MINK1: variants seen among roughly 807,000 people sequenced by gnomAD.
MINK1 encodes the protein misshapen like kinase 1.
Under a neutral mutation model 178.4 loss-of-function variants are expected in MINK1, and 46 were observed. The ratio of observed to expected loss-of-function variants is 0.26; its 90% CI spans 0.20 to 0.33. MINK1 has a LOEUF of 0.33. Among genes scored for constraint, MINK1 ranks in the 10% least tolerant of loss-of-function variants. The pLI is 1.00. For synonymous variants in MINK1, 797 were observed against 709.7 expected (o/e 1.12, Z -1.96); for missense variants, 1,366 against 1,814.9 (o/e 0.75, Z 4.49).
chr17:4,844,812 C>A (rs1910768307), intron 1 of MINK1, among the ~76,000 whole-genome samples: 1 of 152,234 alleles, frequency 6.6e-6, no homozygotes, highest in Non-Finnish European at 1.5e-5. Flanking sequence ...GTCTCATTTC[C>A]CCCCACCCTT....
chr17:4,889,619 T>C, intron 12 of MINK1, 28 bp from the exon 13 acceptor site: 1 of 1,554,350 alleles, frequency 6.4e-7, no homozygotes, highest in Non-Finnish European at 8.7e-7. Flanking sequence ...CCGGTATGGT[T>C]CTTAAGACCA....
intron 1 of MINK1, among the ~76,000 whole-genome samples, chr17:4,848,782 C>T (rs910724465): frequency 2.0e-5 from 3 of 152,196 alleles, no homozygotes; most frequent in Admixed American, 1.3e-4. Flanking sequence ...CAGGCCTAAG[C>T]CACCGCGAAC....
chr17:4,870,213 ATTTTTTTTT>A (rs758815938), intron 1 of MINK1, among the ~76,000 whole-genome samples: 1 of 123,610 alleles, frequency 8.1e-6, no homozygotes, highest in Non-Finnish European at 1.7e-5. Flanking sequence ...CGCCCGGCCA[ATTTTTTTTT>A]TTTTTTTTTT....
In MINK1 at chr17:4,836,658, A is replaced by G. The variant is rs1909350425; in HGVS notation, c.57+3018A>G. ...ATTAAATGCACGTTAAGTACATAGT[A>G]CAGTTCCCAGCACACAGTGATCATA... is the stretch of plus-strand genomic sequence containing the variant. On this transcript the variant is annotated intron_variant, in intron 1 of 31. Transcript: ENST00000355280. The surrounding 1 kb of genome is among the most constrained non-coding windows in gnomAD (Gnocchi z 4.3). 6.6e-6 allele frequency among the ~76,000 whole-genome samples: 1 copy of G among 152,204 alleles called. No homozygotes were observed. Among genetic ancestry groups the G allele is most frequent in the African/African-American group, 2.4e-5 (1 of 41,456 alleles).
At chr17:4,858,330 T>C (rs1913533987) in intron 1 of MINK1, among the ~76,000 whole-genome samples, 1 of 152,148 alleles carries the variant, frequency 6.6e-6, no homozygotes, top group African/African-American at 2.4e-5. Flanking sequence ...TCAGGCTCAC[T>C]GTCCTTTGAA....
chr17:4,847,022 G>A, intron 1 of MINK1: 1 of 370,392 alleles, frequency 2.7e-6, no homozygotes, highest in East Asian at 7.6e-5. Flanking sequence ...TGTTTCACAA[G>A]TTAACAATGA....
At chr17:4,875,253 C>T in intron 1 of MINK1, 1 of 505,522 alleles carries the variant, frequency 2.0e-6, no homozygotes, top group Non-Finnish European at 4.0e-6. Flanking sequence ...CTCTTGTTAG[C>T]CCCCTGCACT....
At position 4,885,376 on chromosome 17, in the gene MINK1, C is replaced by T; in HGVS notation, c.509-107C>T. The T allele has an allele frequency of 6.7e-7, 1 of 1,485,706 alleles. No homozygotes were observed. The highest frequency in any genetic ancestry group is 9.2e-7 in the Non-Finnish European group (1 of 1,087,458). The allele number at this position is 1,485,706 out of a possible 1,614,324, so 92.0% of individuals were successfully genotyped here. A position where few individuals can be genotyped will look rare whatever the true frequency, so the allele number is the denominator to read the frequency against. On this transcript the variant is annotated intron_variant, in intron 6 of 31. Transcript: ENST00000355280. This position sits in a 1 kb window ranked among gnomAD's most constrained non-coding sequence, Gnocchi z 5.0. ...AGGGTGCTGGGGTGTCTGGGTCGGG[C>T]CAGGACCACAGCTGGCTCAGGCAAG...
Position 4,886,681 on chromosome 17 carries a change from T to C in MINK1, c.949+55T>C. The C allele has an allele frequency of 3.4e-6, 5 of 1,484,972 alleles. No homozygotes were observed. Among genetic ancestry groups the C allele is most frequent in the Non-Finnish European group, 4.5e-6 (5 of 1,117,156 alleles). 92.0% of individuals were successfully genotyped at this position (1,484,972 alleles called of 1,614,324 possible). ...CTAGGGGACACTCCAGCCTGGCTCC[T>C]CTCTGCCAGCCCTGCTCGCTCCTGG... is the stretch of plus-strand genomic sequence containing the variant. On this transcript the variant is annotated intron_variant, in intron 10 of 31. Transcript: ENST00000355280. The surrounding 1 kb of genome is among the most constrained non-coding windows in gnomAD (Gnocchi z 6.1).
intron 17 of MINK1, 84 bp downstream of exon 17, chr17:4,892,318 C>T (rs569799099): frequency 2.1e-6 from 3 of 1,441,654 alleles, no homozygotes; most frequent in Admixed American, 2.3e-5. Context: ...TACCAGCCTA[C>T]CCGCCTGGGG....
Position 4,892,975 on chromosome 17 carries a change from C to CCAAACCGGA in MINK1, c.2312-2_2312-1insAACCGGACA, listed in dbSNP as rs768258809. ...CAGTGACCTTCTTCCACCCTGCCGT[C>CCAAACCGGA]CAGTCTCCTCCAAACCGGACAGCTC... On this transcript the variant is annotated splice_region_variant and splice_polypyrimidine_tract_variant and intron_variant, in intron 19 of 31. Coordinates refer to ENST00000355280, the MANE Select transcript of MINK1 (RefSeq NM_153827.5). The CCAAACCGGA allele has an allele frequency of 1.4e-3, 2,214 of 1,563,246 alleles. 26 individuals are homozygous for CCAAACCGGA. The highest frequency in any genetic ancestry group is 4.8e-4 in the South Asian group (41 of 84,772).
At chr17:4,874,232 G>A (rs1966963867) in intron 1 of MINK1, among the ~76,000 whole-genome samples, 1 of 152,190 alleles carries the variant, frequency 6.6e-6, no homozygotes, top group African/African-American at 2.4e-5. Context: ...TTATTACATA[G>A]TTTGTGCTCA....
chr17:4,838,694 C>T (rs1357327356), intron 1 of MINK1, among the ~76,000 whole-genome samples: 1 of 152,178 alleles, frequency 6.6e-6, no homozygotes, highest in African/African-American at 2.4e-5. Context: ...GACTGGAGAA[C>T]ATCTCCAGAA....
In MINK1 at chr17:4,896,885, T is replaced by TG. The variant is rs3214298; in HGVS notation, c.3915+76dup. ...GACCCTAGGCCCCTGGGCAGAGTTC[T>TG]GGGGAGAGGATGGTGGTGGTGGCTT... On this transcript the variant is annotated intron_variant, in intron 31 of 31. Transcript: ENST00000355280. This position sits in a 1 kb window ranked among gnomAD's most constrained non-coding sequence, Gnocchi z 4.6. 132,908 of 1,491,486 alleles carry TG rather than the reference T, an allele frequency of 0.089. 6,268 individuals carry two copies. Among genetic ancestry groups the TG allele is most frequent in the Non-Finnish European group, 0.093 (104,602 of 1,121,860 alleles). The allele number at this position is 1,491,486 out of a possible 1,614,324, so 92.4% of individuals were successfully genotyped here. A position where few individuals can be genotyped will look rare whatever the true frequency, so the allele number is the denominator to read the frequency against.
Position 4,833,673 on chromosome 17 carries a change from T to G in MINK1, c.57+33T>G, listed in dbSNP as rs545499547. On this transcript the variant is annotated intron_variant, in intron 1 of 31. Coordinates refer to ENST00000355280, the MANE Select transcript of MINK1 (RefSeq NM_153827.5). The surrounding 1 kb of genome is among the most constrained non-coding windows in gnomAD (Gnocchi z 4.8). ...CGCCGTCCCCCAGCCTCGCCCTGGT[T>G]CCTGTCCCCGCCGCAGGGGAGGGAG... is the stretch of plus-strand genomic sequence containing the variant. 1,616 of 1,467,044 alleles carry G rather than the reference T, an allele frequency of 1.1e-3. 3 individuals carry two copies. Among genetic ancestry groups the G allele is most frequent in the Middle Eastern group, 2.1e-3 (9 of 4,240 alleles). The allele number at this position is 1,467,044 out of a possible 1,614,324, so 90.9% of individuals were successfully genotyped here.
intron 1 of MINK1, chr17:4,844,615 A>C (rs1296834083): frequency 2.0e-6 from 1 of 501,098 alleles, no homozygotes; most frequent in Non-Finnish European, 4.0e-6. Flanking sequence ...TGGGGAGCAC[A>C]TGTTGGGAAT....
chr17:4,880,656 T>C (rs1967613272), intron 2 of MINK1, among the ~76,000 whole-genome samples: 1 of 147,944 alleles, frequency 6.8e-6, no homozygotes, highest in African/African-American at 2.5e-5. Context: ...TCCCAGCACT[T>C]TGGGAGGCCG....
chr17:4,887,057 C>T lies in MINK1; in HGVS notation c.950-53C>T, dbSNP rs2151019849. 2 of 1,539,748 alleles carry T rather than the reference C, an allele frequency of 1.3e-6. No homozygotes were observed. The highest frequency in any genetic ancestry group is 8.8e-7 in the Non-Finnish European group (1 of 1,135,884). ...ATCCCCACCCAAGGTTTCCCTAGCC[C>T]ACGGCGGGTCTGGGGCGCTGGGTGA... is the stretch of plus-strand genomic sequence containing the variant. On this transcript the variant is annotated intron_variant, in intron 10 of 31. Coordinates refer to ENST00000355280, the MANE Select transcript of MINK1 (RefSeq NM_153827.5). The surrounding 1 kb of genome is among the most constrained non-coding windows in gnomAD (Gnocchi z 7.6).
chr17:4,873,687 C>T (rs1466083156), intron 1 of MINK1, among the ~76,000 whole-genome samples: 2 of 134,784 alleles, frequency 1.5e-5, no homozygotes, highest in African/African-American at 2.8e-5. Context: ...GGCGCAATTT[C>T]GGCTCACTGC....
Sources: gnomAD v4.1 joint callset for allele counts (sites outside exome capture counted in the v4.1 genomes callset) on GRCh38, gnomAD v4.1.1 for gene constraint, Gnocchi (gnomAD v3.1) non-coding constraint, MANE v1.5 for transcripts, NCBI Gene and HGNC (gene_info 2026-07-23, HGNC 2026-07-21) for gene names.